VSIR: variants seen among roughly 807,000 people sequenced by gnomAD.
VSIR encodes the protein V-type immunoglobulin domain-containing suppressor of T-cell activation.
In VSIR, 10 loss-of-function variants were observed where a neutral mutation model predicts 31.0. The observed-to-expected ratio is 0.32, with a 90% confidence interval of 0.20 to 0.55. The LOEUF (loss-of-function observed/expected upper bound fraction) is 0.55, where lower values mean the gene tolerates loss of function less well. Among genes scored for constraint, VSIR ranks in the 20% least tolerant of loss-of-function variants. The pLI, the probability that VSIR is intolerant of heterozygous loss-of-function variation, is 0.93. For missense variants in VSIR, 356 were observed against 416.2 expected (o/e 0.86, Z 1.26); for synonymous variants, 179 against 180.1 (o/e 0.99, Z 0.05).
chr10:71,761,036 T>A, intron 2 of VSIR, 112 bp from the exon 3 acceptor site: 3 of 1,073,452 alleles, frequency 2.8e-6, no homozygotes, highest in Admixed American at 1.9e-5. Context: ...TAGTGCCTAC[T>A]CGGCAGTGTT....
intron 4 of VSIR, chr10:71,753,680 C>T: frequency 2.3e-6 from 1 of 443,508 alleles, no homozygotes. Context: ...GATGCAGTGA[C>T]CCCAACTTCC....
chr10:71,760,790 T>A, intron 3 of VSIR, 78 bp downstream of exon 3: 1 of 1,417,182 alleles, frequency 7.1e-7, no homozygotes, highest in Admixed American at 1.7e-5. Flanking sequence ...GAGGCCAGAG[T>A]TCCAAACAGG....
At chr10:71,763,122 T>C (rs971252783) in intron 1 of VSIR, among the ~76,000 whole-genome samples, 2 of 152,246 alleles carry the variant, frequency 1.3e-5, no homozygotes, top group African/African-American at 4.8e-5. Context: ...TCTAATGCCC[T>C]CTGCAGACAT....
At chr10:71,760,743 G>A in intron 3 of VSIR, 125 bp downstream of exon 3, 1 of 839,136 alleles carries the variant, frequency 1.2e-6, no homozygotes, top group Non-Finnish European at 2.0e-6. Context: ...CAGCAGAAAA[G>A]GAGGAGGACC....
At chr10:71,763,196 C>A (rs7067854) in intron 1 of VSIR, among the ~76,000 whole-genome samples, 3,385 of 152,284 alleles carry the variant, frequency 0.022, 116 homozygotes, top group African/African-American at 0.078. Flanking sequence ...GTTTTTGAGA[C>A]GGAGTCTCCC....
At chr10:71,762,215 A>T (rs538511536) in intron 1 of VSIR, among the ~76,000 whole-genome samples, 189 bp from the exon 2 acceptor site, 2 of 152,308 alleles carry the variant, frequency 1.3e-5, no homozygotes, top group South Asian at 4.1e-4. Context: ...TTGTAGGGGG[A>T]GTCACAGAAG....
At chr10:71,755,001 C>T (rs1271561013) in intron 4 of VSIR, 2 of 440,280 alleles carry the variant, frequency 4.5e-6, no homozygotes, top group African/African-American at 4.0e-5. Flanking sequence ...AATTACAAAA[C>T]AAGCACGCCC....
At chr10:71,756,696 C>A (rs1352960472) in intron 3 of VSIR, among the ~76,000 whole-genome samples, 1 of 152,194 alleles carries the variant, frequency 6.6e-6, no homozygotes, top group African/African-American at 2.4e-5. Flanking sequence ...AGAACCACAA[C>A]CAACATAAAC....
rs200390302 is a variant in VSIR, at chr10:71,761,762, C to T, written c.347G>A (p.Arg116His). Residue 116 changes from arginine (R) to histidine (H), a missense_variant, in exon 2 of 7, where the codon CGC (arginine) becomes CAC (histidine). By Grantham distance (29) the Arg-to-His change is conservative. This residue lies in a region of VSIR where 166 missense variants were observed against 231.0 expected (regional missense o/e 0.72). Transcript: ENST00000394957. ...GTCGGAGGCCGACTCCAGCCCGTGGCGCTGAGCCAGGTCGTGGCTGGTGTT... is the reference window on the plus strand; with the variant it reads ...GTCGGAGGCCGACTCCAGCCCGTGGTGCTGAGCCAGGTCGTGGCTGGTGTT... Reference protein sequence around the residue: ...AANTSHDLAQRHGLESASDHH... With the variant: ...AANTSHDLAQHHGLESASDHH... 3.7e-5 allele frequency: 59 copies of T among 1,614,018 alleles called. No individual in the cohort carries two copies. Among genetic ancestry groups the T allele is most frequent in the Non-Finnish European group, 4.3e-5 (51 of 1,180,034 alleles).
At chr10:71,754,252 G>A (rs899695920) in intron 4 of VSIR, among the ~76,000 whole-genome samples, 10 of 152,276 alleles carry the variant, frequency 6.6e-5, no homozygotes, top group Admixed American at 3.3e-4. Context: ...TGTGTTCTAG[G>A]AGAGGAATAG....
At chr10:71,760,007 ATAT>A (rs1840288744) in intron 3 of VSIR, among the ~76,000 whole-genome samples, 19 of 99,268 alleles carry the variant, frequency 1.9e-4, no homozygotes, top group Non-Finnish European at 4.0e-4. Flanking sequence ...ACATACATAT[ATAT>A]ACACACACAC....
chr10:71,751,193 C>T lies in VSIR; in HGVS notation c.*60G>A. Reference sequence around the variant, plus strand: ...CAAGGAGGCCACTCACAGAGCCAGCCCTGGCTCAAATGCACCTGCCCCAGA... The same window carrying T: ...CAAGGAGGCCACTCACAGAGCCAGCTCTGGCTCAAATGCACCTGCCCCAGA... On this transcript the variant is annotated 3_prime_UTR_variant, in exon 7 of 7. Coordinates refer to ENST00000394957, the MANE Select transcript of VSIR (RefSeq NM_022153.2). The surrounding 1 kb of genome is among the most constrained non-coding windows in gnomAD (Gnocchi z 4.9). The T allele has an allele frequency of 6.4e-7, 1 of 1,564,898 alleles. No homozygotes were observed. Among genetic ancestry groups the T allele is most frequent in the South Asian group, 1.2e-5 (1 of 86,382 alleles).
intron 4 of VSIR, 121 bp downstream of exon 4, chr10:71,755,238 A>C (rs1356211413): frequency 1.1e-6 from 1 of 940,304 alleles, no homozygotes; most frequent in Non-Finnish European, 1.6e-6. Context: ...AGCTGCTCCC[A>C]ACTCTCAAAT....
At position 71,751,704 on chromosome 10, in the gene VSIR, G is replaced by C. The variant is rs1251754265; in HGVS notation, c.862C>G (p.Pro288Ala). 6.4e-7 allele frequency: 1 copy of C among 1,557,404 alleles called. No individual in the cohort carries two copies. Among genetic ancestry groups the C allele is most frequent in the Non-Finnish European group, 8.7e-7 (1 of 1,155,038 alleles). The change falls in exon 6 of 7, where the codon CCT (proline) becomes GCT (alanine). Residue 288 changes from proline (P) to alanine (A), a missense_variant. Physicochemically the swap from Pro to Ala is conservative, Grantham distance 27. This residue lies in a region of VSIR where 190 missense variants were observed against 185.2 expected (regional missense o/e 1.03). Transcript: ENST00000394957. The surrounding 1 kb of genome is among the most constrained non-coding windows in gnomAD (Gnocchi z 4.9). ...LLSEPSTPLS[P>A]PGPGDVFFPS... ...AAGAAGACGTCTCCGGGGCCTGGAGGAGACAGGGGGGTGCTGGGCTCCGAA... is the reference window on the plus strand; with the variant it reads ...AAGAAGACGTCTCCGGGGCCTGGAGCAGACAGGGGGGTGCTGGGCTCCGAA...
At chr10:71,769,538 G>T (rs10823841) in intron 1 of VSIR, among the ~76,000 whole-genome samples, 31,092 of 152,220 alleles carry the variant, frequency 0.2, 3,634 homozygotes, top group Non-Finnish European at 0.26. Flanking sequence ...GATCACAAAG[G>T]TGATAAGCAA....
chr10:71,769,800 A>T lies in VSIR; in HGVS notation c.82+3558T>A, dbSNP rs184080986. Among the ~76,000 whole-genome samples the T allele has an allele frequency of 1.1e-3, 168 of 152,320 alleles. No homozygotes were observed. In the South Asian group the frequency reaches 0.017, roughly 16 times the overall value. On this transcript the variant is annotated intron_variant, in intron 1 of 6. Coordinates refer to ENST00000394957, the MANE Select transcript of VSIR (RefSeq NM_022153.2). ...AGTAGCAGAGCAACCTCATTATTGG[A>T]TTACTGATGAGAAAGATGGTGGCCA...
chr10:71,751,208 C>T lies in VSIR; in HGVS notation c.*45G>A, dbSNP rs762870086. 1.1e-5 allele frequency: 17 copies of T among 1,588,424 alleles called. No homozygotes were observed. The highest frequency in any genetic ancestry group is 4.3e-6 in the Non-Finnish European group (5 of 1,165,756). On this transcript the variant is annotated 3_prime_UTR_variant, in exon 7 of 7. Transcript: ENST00000394957. The surrounding 1 kb of genome is among the most constrained non-coding windows in gnomAD (Gnocchi z 4.9). ...CAGAGCCAGCCCTGGCTCAAATGCA[C>T]CTGCCCCAGACCCAGCCACAACAGC...
chr10:71,756,274 A>G (rs1840144909), intron 3 of VSIR, among the ~76,000 whole-genome samples: 1 of 152,200 alleles, frequency 6.6e-6, no homozygotes, highest in Non-Finnish European at 1.5e-5. Flanking sequence ...TATTCCCTGC[A>G]AATACAGCAG....
rs1320575031 is a variant in VSIR, at chr10:71,748,881, CATGG to C, written c.*2368_*2371del. ...GTGCGTTGTAGGCAGGGCCTGTGGC[CATGG>C]ATGAAGATGGAACTGGGAGCTCAGA... On this transcript the variant is annotated 3_prime_UTR_variant, in exon 7 of 7. Coordinates refer to ENST00000394957, the MANE Select transcript of VSIR (RefSeq NM_022153.2). 1 of 152,802 alleles carries C rather than the reference CATGG, an allele frequency of 6.5e-6. No homozygotes were observed. Among genetic ancestry groups the C allele is most frequent in the African/African-American group, 2.4e-5 (1 of 41,450 alleles). 9.5% of individuals were successfully genotyped at this position (152,802 alleles called of 1,614,324 possible).
Sources: gnomAD v4.1 joint callset for allele counts (sites outside exome capture counted in the v4.1 genomes callset) on GRCh38, gnomAD v4.1.1 for gene constraint, gnomAD v4.1.1 regional missense constraint, Gnocchi (gnomAD v3.1) non-coding constraint, MANE v1.5 for transcripts, NCBI Gene and HGNC (gene_info 2026-07-23, HGNC 2026-07-21) for gene names.